PCDHA7: variants seen among roughly 807,000 people sequenced by gnomAD.
The protein encoded by PCDHA7 is protocadherin alpha-7.
A neutral mutation model predicts 57.2 loss-of-function variants in PCDHA7; 37 were observed. The ratio of observed to expected loss-of-function variants is 0.65; its 90% CI spans 0.50 to 0.85. The LOEUF (loss-of-function observed/expected upper bound fraction) is 0.85. Among genes scored for constraint, PCDHA7 ranks in the 40% least tolerant of loss-of-function variants. PCDHA7 has a pLI of 0.00. For synonymous variants in PCDHA7, 553 were observed against 558.8 expected (o/e 0.99, Z 0.15); for missense variants, 1,188 against 1,241.8 (o/e 0.96, Z 0.65).
At chr5:140,851,252 GTATTT>G (rs1434639310) in intron 1 of PCDHA7, 2 of 1,089,048 alleles carry the variant, frequency 1.8e-6, no homozygotes, top group Non-Finnish European at 2.3e-6. Context: ...ATGATGCATA[GTATTT>G]TAGTCTACTT....
intron 1 of PCDHA7, chr5:140,969,039 A>G: frequency 6.2e-7 from 1 of 1,614,130 alleles, no homozygotes; most frequent in Non-Finnish European, 8.5e-7. Context: ...GAACTGTACA[A>G]ACAAGCCAAC....
At chr5:140,927,269 C>T in intron 1 of PCDHA7, 1 of 1,614,142 alleles carries the variant, frequency 6.2e-7, no homozygotes, top group Non-Finnish European at 8.5e-7. Context: ...CTCTTTCCTG[C>T]CGGCGACGTG....
At chr5:140,979,384 G>A (rs1243693033) in intron 2 of PCDHA7, among the ~76,000 whole-genome samples, 3 of 151,896 alleles carry the variant, frequency 2.0e-5, no homozygotes, top group African/African-American at 7.3e-5. Context: ...ATTGTGCAAT[G>A]TATACATACA....
Position 140,883,352 on chromosome 5 carries a change from G to A in PCDHA7, c.2355+46614G>A, listed in dbSNP as rs1554177776. ...TTCTTTGTCACTCCCCATCAGAGAA[G>A]ACACTCAGCCTAGCGCCATTATTGC... is the stretch of plus-strand genomic sequence containing the variant. On this transcript the variant is annotated intron_variant, in intron 1 of 3. Coordinates refer to ENST00000525929, the MANE Select transcript of PCDHA7 (RefSeq NM_018910.3). The A allele has an allele frequency of 1.9e-6, 3 of 1,614,164 alleles. No homozygotes were observed. In the East Asian group the frequency reaches 6.7e-5, roughly 36 times the overall value.
rs189949937 is a variant in PCDHA7 at position 140,920,653 on chromosome 5, T to C, written c.2356-58296T>C. On this transcript the variant is annotated intron_variant, in intron 1 of 3. Coordinates refer to ENST00000525929, the MANE Select transcript of PCDHA7 (RefSeq NM_018910.3). ...AAGGTCAAGAGATTGAGACCATCCT[T>C]GCCAACATGGTGAAACCCCATCTCT... is the stretch of plus-strand genomic sequence containing the variant. Among the ~76,000 whole-genome samples, 1,219 of 152,042 alleles carry C rather than the reference T, an allele frequency of 8.0e-3. 5 individuals carry two copies. Among genetic ancestry groups the C allele is most frequent in the African/African-American group, 0.019 (786 of 41,502 alleles).
chr5:140,950,874 G>C (rs1237864508), intron 1 of PCDHA7, among the ~76,000 whole-genome samples: 20 of 151,700 alleles, frequency 1.3e-4, no homozygotes, highest in African/African-American at 4.8e-4. Flanking sequence ...ATTCTATATT[G>C]TTCAATAGGT....
intron 1 of PCDHA7, chr5:140,858,297 A>T: frequency 1.3e-6 from 2 of 1,597,406 alleles, no homozygotes; most frequent in Non-Finnish European, 1.7e-6. Context: ...TCTTACTCGC[A>T]GCAGAGGCGG....
At chr5:140,871,055 A>T (rs782721683) in intron 1 of PCDHA7, 9 of 1,613,326 alleles carry the variant, frequency 5.6e-6, no homozygotes, top group African/African-American at 2.7e-5. Context: ...GTACTGGTGA[A>T]GGATCACGGT....
intron 1 of PCDHA7, among the ~76,000 whole-genome samples, chr5:140,914,158 C>T (rs1041086072): frequency 1.2e-4 from 18 of 152,276 alleles, no homozygotes; most frequent in East Asian, 9.6e-4. Flanking sequence ...CTGTCCAATA[C>T]GGAAAGTGGG....
intron 1 of PCDHA7, among the ~76,000 whole-genome samples, chr5:140,887,915 C>T (rs566586212): frequency 6.6e-6 from 1 of 152,290 alleles, no homozygotes; most frequent in Non-Finnish European, 1.5e-5. Flanking sequence ...GTGTATTCTT[C>T]ATTTCAGAGA....
chr5:140,891,225 T>C (rs1554184733), intron 1 of PCDHA7, among the ~76,000 whole-genome samples: 1 of 152,222 alleles, frequency 6.6e-6, no homozygotes, highest in Non-Finnish European at 1.5e-5. Context: ...TTTATAATCA[T>C]CCTGTTCTGG....
intron 1 of PCDHA7, among the ~76,000 whole-genome samples, chr5:140,965,073 TCTGA>T (rs1372324599): frequency 1.3e-5 from 2 of 152,186 alleles, no homozygotes; most frequent in African/African-American, 4.8e-5. Context: ...CAGGTCTCAC[TCTGA>T]CTTTGTTCCA....
intron 1 of PCDHA7, among the ~76,000 whole-genome samples, chr5:140,920,617 G>A (rs569983611): frequency 9.7e-4 from 148 of 152,170 alleles, no homozygotes; most frequent in African/African-American, 2.6e-3. Context: ...AGGCCGAGGC[G>A]GATGGATCAC....
chr5:140,946,766 G>A (rs1554217856), intron 1 of PCDHA7, among the ~76,000 whole-genome samples: 1 of 151,394 alleles, frequency 6.6e-6, no homozygotes, highest in South Asian at 2.1e-4. Flanking sequence ...TCTCATTCAT[G>A]TGGAATGTAA....
chr5:140,876,837 C>G (rs782753877), intron 1 of PCDHA7: 3 of 1,614,148 alleles, frequency 1.9e-6, no homozygotes, highest in African/African-American at 1.3e-5. Context: ...CGCCTGCGTT[C>G]GCGCAGCCCG....
chr5:140,892,061 T>C (rs1445819046), intron 1 of PCDHA7, among the ~76,000 whole-genome samples: 1 of 152,254 alleles, frequency 6.6e-6, no homozygotes, highest in Non-Finnish European at 1.5e-5. Context: ...AATTTATTGT[T>C]ACTTTGTATA....
At chr5:140,886,042 A>G (rs1450330062) in intron 1 of PCDHA7, among the ~76,000 whole-genome samples, 1 of 152,222 alleles carries the variant, frequency 6.6e-6, no homozygotes, top group African/African-American at 2.4e-5. Context: ...GTTTTCCCCA[A>G]TAGTAACATC....
chr5:140,849,684 C>A (rs782599904), intron 1 of PCDHA7: 2 of 1,598,734 alleles, frequency 1.3e-6, no homozygotes, highest in Non-Finnish European at 8.6e-7. Flanking sequence ...CCCCTTCAAG[C>A]TGGTGTCCAC....
chr5:140,930,798 G>T (rs1339622831), intron 1 of PCDHA7, among the ~76,000 whole-genome samples: 1 of 152,094 alleles, frequency 6.6e-6, no homozygotes, highest in Non-Finnish European at 1.5e-5. Flanking sequence ...ATAGAATCCA[G>T]CATATAAGAT....
Sources: gnomAD v4.1 joint callset for allele counts (sites outside exome capture counted in the v4.1 genomes callset) on GRCh38, gnomAD v4.1.1 for gene constraint, MANE v1.5 for transcripts, NCBI Gene and HGNC (gene_info 2026-07-23, HGNC 2026-07-21) for gene names.